The following NCOA7 variants were observed in gnomAD, a reference collection of about 807,000 sequenced individuals.
NCOA7 encodes the protein 140 kDa estrogen receptor-associated protein.
NCOA7 carries 45 observed loss-of-function variants against 104.3 expected under a neutral mutation model. The observed-to-expected ratio is 0.43, with a 90% confidence interval of 0.34 to 0.55. The LOEUF is 0.55. NCOA7 is among the 20% of genes least tolerant of loss of function. NCOA7 has a pLI of 0.02. For missense variants in NCOA7, 1,041 were observed against 1,119.7 expected, an observed-to-expected ratio of 0.93 and a Z score of 1.00; for synonymous variants, 398 against 402.3, an observed-to-expected ratio of 0.99 and a Z score of 0.13.
At chr6:125,794,026 G>A (rs758309761) in intron 1 of NCOA7, among the ~76,000 whole-genome samples, 4 of 152,164 alleles carry the variant, frequency 2.6e-5, no homozygotes, top group Non-Finnish European at 5.9e-5. Flanking sequence ...AATACTAGCT[G>A]TTAGACCAGA....
In NCOA7 at chr6:125,890,728, G is replaced by A. The variant is rs759713686; in HGVS notation, c.2014G>A (p.Ala672Thr). 2 of 1,613,828 alleles carry A rather than the reference G, an allele frequency of 1.2e-6. No individual in the cohort carries two copies. Among genetic ancestry groups the A allele is most frequent in the East Asian group, 2.2e-5 (1 of 44,838 alleles). The change falls in exon 10 of 16, where the codon GCC becomes ACC. Residue 672 changes from alanine to threonine, a missense_variant. This residue lies in a region of NCOA7 where 914 missense variants were observed against 942.7 expected (regional missense o/e 0.97). Coordinates refer to ENST00000392477, the MANE Select transcript of NCOA7 (RefSeq NM_181782.5). The part of the protein sequence containing the change: ...KVGKPMRKSF[A>T]THTAAMVQQY... ...GGGAAAACCAATGAGAAAATCCTTT[G>A]CCACTCACACTGCAGCCATGGTCCA...
At chr6:125,872,100 GT>G (rs370348057) in intron 3 of NCOA7, among the ~76,000 whole-genome samples, 151 of 151,402 alleles carry the variant, frequency 1.0e-3, no homozygotes, top group African/African-American at 3.5e-3. Flanking sequence ...AAGGGAAGGC[GT>G]TTTTTTTGTT....
At chr6:125,800,643 A>G (rs1562778604) in intron 1 of NCOA7, among the ~76,000 whole-genome samples, 1 of 152,244 alleles carries the variant, frequency 6.6e-6, no homozygotes, top group Non-Finnish European at 1.5e-5. Flanking sequence ...ATAACTCTGC[A>G]TGGATGAACA....
Position 125,889,909 on chromosome 6 carries a change from C to G in NCOA7, c.1855C>G (p.Gln619Glu), listed in dbSNP as rs1485394260. The change falls in exon 9 of 16, where the codon CAA becomes GAA. Residue 619 changes from glutamine to glutamate, a missense_variant. By Grantham distance (29) the Gln-to-Glu change is conservative. Around this residue, in one of 2 missense-constraint regions of NCOA7, gnomAD observed 914 missense variants for 942.7 expected, o/e 0.97. Transcript: ENST00000392477. The stretch of plus-strand genomic sequence containing the variant: ...GGAATCTACTCTGGACAACAGCTGT[C>G]AAGGTGCACAAATGGATAATAAATC... ...SLESTLDNSC[Q>E]GAQMDNKSEV... 6.3e-7 allele frequency: 1 copy of G among 1,598,526 alleles called. No homozygotes were observed. The highest frequency in any genetic ancestry group is 8.5e-7 in the Non-Finnish European group (1 of 1,175,188).
At position 125,889,283 on chromosome 6, in the gene NCOA7, T is replaced by G. The variant is rs1784457042; in HGVS notation, c.1229T>G (p.Leu410Arg). The G allele has an allele frequency of 6.2e-7, 1 of 1,613,982 alleles. No individual in the cohort carries two copies. The highest frequency in any genetic ancestry group is 8.5e-7 in the Non-Finnish European group (1 of 1,180,008). Residue 410 changes from leucine (L) to arginine (R), a missense_variant, in exon 9 of 16, where the codon CTA becomes CGA. Physicochemically the swap from Leu to Arg is moderately radical, Grantham distance 102. Coordinates refer to ENST00000392477, the MANE Select transcript of NCOA7 (RefSeq NM_181782.5). The part of the protein sequence containing the change: ...AFESTAKENF[L>R]GEDDDFVDLE... ...GAATCTACAGCCAAAGAAAACTTTC[T>G]AGGGGAAGATGATGATTTTGTTGAC...
rs780007884 is a variant in NCOA7, at chr6:125,855,006, T to TC, written c.51-11dup. 3.2e-6 allele frequency: 5 copies of TC among 1,558,724 alleles called. No homozygotes were observed. The highest frequency in any genetic ancestry group is 4.3e-6 in the Non-Finnish European group (5 of 1,155,610). On this transcript the variant is annotated splice_polypyrimidine_tract_variant and intron_variant, in intron 2 of 15. Coordinates refer to ENST00000392477, the MANE Select transcript of NCOA7 (RefSeq NM_181782.5). Reference sequence around the variant, plus strand: ...TCTCTCCAATGTTTTTTCTTTTTTTTCCCTCTTTCCTAGACTGAAAAAGAA... The same window carrying TC: ...TCTCTCCAATGTTTTTTCTTTTTTTTCCCCTCTTTCCTAGACTGAAAAAGAA...
At chr6:125,801,922 C>G (rs1775926397) in intron 1 of NCOA7, among the ~76,000 whole-genome samples, 1 of 152,126 alleles carries the variant, frequency 6.6e-6, no homozygotes, top group South Asian at 2.1e-4. Context: ...TATAATTTAA[C>G]CTATAACAGT....
intron 3 of NCOA7, among the ~76,000 whole-genome samples, chr6:125,855,885 A>G (rs1781511011): frequency 6.6e-6 from 1 of 152,046 alleles, no homozygotes; most frequent in South Asian, 2.1e-4. Flanking sequence ...GGGTTTCACC[A>G]TGTTGAGCAG....
chr6:125,924,845 A>G (rs921448842), intron 13 of NCOA7, among the ~76,000 whole-genome samples: 7 of 152,150 alleles, frequency 4.6e-5, no homozygotes, highest in Admixed American at 4.6e-4. Flanking sequence ...CACAGCTGCC[A>G]GTCAAGGGTT....
At chr6:125,906,496 T>C (rs1408134280) in intron 10 of NCOA7, among the ~76,000 whole-genome samples, 4 of 152,186 alleles carry the variant, frequency 2.6e-5, no homozygotes, top group Non-Finnish European at 5.9e-5. Flanking sequence ...CCTAGCTACA[T>C]TCATCATCCC....
chr6:125,913,951 ACT>A (rs1410961048), intron 10 of NCOA7, among the ~76,000 whole-genome samples: 1 of 152,216 alleles, frequency 6.6e-6, no homozygotes, highest in East Asian at 1.9e-4. Flanking sequence ...CTTTATATAA[ACT>A]AAAAGGATAA....
At chr6:125,810,603 A>G (rs1776905153) in intron 1 of NCOA7, among the ~76,000 whole-genome samples, 1 of 152,222 alleles carries the variant, frequency 6.6e-6, no homozygotes, top group Non-Finnish European at 1.5e-5. Context: ...GAAGCCCATT[A>G]TGACCACTTA....
chr6:125,813,911 A>G (rs1232199822), intron 1 of NCOA7, among the ~76,000 whole-genome samples: 2 of 80,684 alleles, frequency 2.5e-5, no homozygotes, highest in Non-Finnish European at 5.6e-5. Context: ...GGCTAAATTT[A>G]GCTAATTAAG....
intron 2 of NCOA7, among the ~76,000 whole-genome samples, chr6:125,839,213 G>A (rs1233415151): frequency 2.0e-5 from 3 of 152,128 alleles, no homozygotes; most frequent in East Asian, 1.9e-4. Flanking sequence ...TGCCTCCCGG[G>A]TTCAAGCAAT....
intron 11 of NCOA7, among the ~76,000 whole-genome samples, chr6:125,918,568 C>T (rs1787280982): frequency 6.6e-6 from 1 of 152,136 alleles, no homozygotes; most frequent in African/African-American, 2.4e-5. Flanking sequence ...AAAATTGATC[C>T]AGTGCTGATC....
At chr6:125,875,080 C>G (rs1783247030) in intron 4 of NCOA7, 112 bp downstream of exon 4, 2 of 737,932 alleles carry the variant, frequency 2.7e-6, no homozygotes, top group Non-Finnish European at 4.6e-6. Flanking sequence ...ACCCATTAAA[C>G]AATCAAGCTT....
chr6:125,836,781 A>G (rs1180043798), intron 2 of NCOA7, among the ~76,000 whole-genome samples: 2 of 152,246 alleles, frequency 1.3e-5, no homozygotes, highest in Non-Finnish European at 2.9e-5. Context: ...CTTGCCTTTT[A>G]TCAACAACTA....
At chr6:125,919,327 G>A in intron 11 of NCOA7, 2 of 1,612,778 alleles carry the variant, frequency 1.2e-6, no homozygotes, top group Non-Finnish European at 1.7e-6. Flanking sequence ...TTCCTCATTA[G>A]AGAGAGAGCC....
At chr6:125,880,706 A>G (rs1783755697) in intron 5 of NCOA7, among the ~76,000 whole-genome samples, 1 of 151,440 alleles carries the variant, frequency 6.6e-6, no homozygotes, top group African/African-American at 2.4e-5. Flanking sequence ...ATTTTTTTGT[A>G]TTTTTAGTAA....
Sources: allele counts gnomAD v4.1 joint callset (sites outside exome capture counted in the v4.1 genomes callset), GRCh38; gene constraint gnomAD v4.1.1; regional missense constraint gnomAD v4.1.1; transcripts MANE v1.5; gene names NCBI Gene and HGNC (gene_info 2026-07-23, HGNC 2026-07-21).